PLCH2: variants seen among roughly 807,000 people sequenced by gnomAD.
The protein encoded by PLCH2 is 1-phosphatidylinositol 4,5-bisphosphate phosphodiesterase eta-2.
A neutral mutation model predicts 134.7 loss-of-function variants in PLCH2; 98 were observed. The observed-to-expected ratio is 0.73, with a 90% CI of 0.62 to 0.86. PLCH2 has a LOEUF of 0.86. Ranked by LOEUF, PLCH2 falls within the 40% of genes least tolerant of loss-of-function variation. The pLI is 0.00. For missense variants in PLCH2, 1,994 were observed against 1,986.6 expected (o/e 1.00, Z -0.07); for synonymous variants, 974 against 827.5 (o/e 1.18, Z -3.04).
At chr1:2,434,020 A>G (rs1360483620) in intron 2 of PLCH2, among the ~76,000 whole-genome samples, 1 of 152,292 alleles carries the variant, frequency 6.6e-6, no homozygotes, top group African/African-American at 2.4e-5. Context: ...AGCTGCTGCC[A>G]TCAACATCGC....
chr1:2,455,243 A>G (rs1198847314), intron 2 of PLCH2, among the ~76,000 whole-genome samples: 1 of 152,100 alleles, frequency 6.6e-6, no homozygotes, highest in Non-Finnish European at 1.5e-5. Flanking sequence ...GGCACCTGGA[A>G]CTGGACGTTG....
At chr1:2,496,800 G>A (rs768518017) in intron 14 of PLCH2, 28 bp from the exon 15 acceptor site, 3 of 1,610,524 alleles carry the variant, frequency 1.9e-6, no homozygotes. Context: ...AGGACTGGCA[G>A]TCTGATGCCC....
At chr1:2,487,762 G>T (rs1642365025) in intron 8 of PLCH2, 44 bp downstream of exon 8, 1 of 1,592,110 alleles carries the variant, frequency 6.3e-7, no homozygotes, top group South Asian at 1.1e-5. Context: ...AGGTGGGCAG[G>T]GTAGGGTCTC....
At chr1:2,503,722 G>A in intron 21 of PLCH2, 200 bp from the exon 22 acceptor site, 3 of 622,486 alleles carry the variant, frequency 4.8e-6, no homozygotes, top group Admixed American at 2.5e-5. Context: ...CGTGGACTGG[G>A]CCCCAGCAGC....
chr1:2,472,433 C>T (rs969361906), upstream of PLCH2, among the ~76,000 whole-genome samples: 16 of 152,162 alleles, frequency 1.1e-4, no homozygotes, highest in Non-Finnish European at 1.6e-4. Flanking sequence ...GATGCTGGGG[C>T]TGCGAGGGGC....
upstream of PLCH2, among the ~76,000 whole-genome samples, chr1:2,425,111 G>A (rs564144328): frequency 2.6e-5 from 4 of 151,300 alleles, no homozygotes; most frequent in Admixed American, 6.6e-5. Context: ...TGCAGTGAGC[G>A]GAGATCGCGC....
upstream of PLCH2, among the ~76,000 whole-genome samples, chr1:2,472,353 C>T (rs1214558918): frequency 6.6e-6 from 1 of 152,232 alleles, no homozygotes; most frequent in Non-Finnish European, 1.5e-5. Flanking sequence ...CTCCTCCCTC[C>T]CGTCCACCCA....
chr1:2,419,226 G>A, the PLCH2 span, among the ~76,000 whole-genome samples: 3 of 152,156 alleles, frequency 2.0e-5, no homozygotes, highest in Non-Finnish European at 2.9e-5. Context: ...CTGCACGGTC[G>A]AGCTTCAATC....
At position 2,499,146 on chromosome 1, in the gene PLCH2, G is replaced by A. The variant is rs745945626; in HGVS notation, c.2497G>A (p.Val833Ile). The A allele has an allele frequency of 5.6e-6, 9 of 1,613,110 alleles. No homozygotes were observed. In the Admixed American group the frequency reaches 8.3e-5, roughly 15 times the overall value. The change falls in exon 19 of 22, where the codon GTC (valine) becomes ATC (isoleucine). Residue 833 changes from valine to isoleucine, a missense_variant. By Grantham distance (29) the Val-to-Ile change is conservative (BLOSUM62 3). Transcript: ENST00000378486. ...GGTGCACATGCCGGAGATCGCGCTG[G>A]TCCGCTTCCTCGTCTGGGACCACGA... ...FMVHMPEIALVRFLVWDHDPI... is the reference protein window; with the variant it reads ...FMVHMPEIALIRFLVWDHDPI...
chr1:2,491,107 G>A, intron 10 of PLCH2, 85 bp from the exon 11 acceptor site: 8 of 1,328,772 alleles, frequency 6.0e-6, no homozygotes, highest in Non-Finnish European at 5.2e-6. Flanking sequence ...GGGGTGGGCA[G>A]AGTGCTGTGA....
At chr1:2,457,390 G>A (rs532609051) in intron 2 of PLCH2, among the ~76,000 whole-genome samples, 28 of 152,250 alleles carry the variant, frequency 1.8e-4, no homozygotes, top group Middle Eastern at 3.4e-3. Flanking sequence ...CAGTGGCCTC[G>A]TGGCCGTGAT....
chr1:2,436,135 C>T (rs1183536574), intron 2 of PLCH2, among the ~76,000 whole-genome samples: 2 of 131,164 alleles, frequency 1.5e-5, no homozygotes, highest in Non-Finnish European at 3.3e-5. Context: ...CCTCCCTGCT[C>T]CCTCATCCCT....
chr1:2,433,517 A>G (rs978436925), intron 2 of PLCH2, among the ~76,000 whole-genome samples: 16 of 151,474 alleles, frequency 1.1e-4, no homozygotes, highest in Admixed American at 9.2e-4. Context: ...GGAGCGGCTC[A>G]GTCTCGGTGC....
intron 2 of PLCH2, among the ~76,000 whole-genome samples, chr1:2,447,147 G>A (rs1037849609): frequency 2.6e-5 from 4 of 152,230 alleles, no homozygotes; most frequent in Non-Finnish European, 5.9e-5. Context: ...TGAGCTCCCA[G>A]TGCAGATCAG....
In PLCH2 at chr1:2,444,315, C is replaced by G. The variant is rs1425379031; in HGVS notation, c.115+13686C>G. Among the ~76,000 whole-genome samples, 1 of 152,250 alleles carries G rather than the reference C, an allele frequency of 6.6e-6. No individual in the cohort carries two copies. The highest frequency in any genetic ancestry group is 2.4e-5 in the African/African-American group (1 of 41,468). On this transcript the variant is annotated intron_variant, in intron 2 of 3. Coordinates refer to the PLCH2 transcript ENST00000609981. This position sits in a 1 kb window ranked among gnomAD's most constrained non-coding sequence, Gnocchi z 4.6. ...GAGCCCAGGCCGGGCACCCCGATCC[C>G]TGCCGGATGGTGCCGCAGGGCACCC...
At chr1:2,436,154 G>GCTCCCTCCTCCCTTCCTCCCTC (rs1639340584) in intron 2 of PLCH2, among the ~76,000 whole-genome samples, 1 of 59,806 alleles carries the variant, frequency 1.7e-5, no homozygotes, top group African/African-American at 6.7e-5. Flanking sequence ...CTTCCTCCCT[G>GCTCCCTCCTCCCTTCCTCCCTC]CTCCCTCCTC....
At chr1:2,445,102 C>T (rs1204589409) in intron 2 of PLCH2, among the ~76,000 whole-genome samples, 5 of 152,094 alleles carry the variant, frequency 3.3e-5, no homozygotes, top group African/African-American at 1.2e-4. Context: ...AATTGGCCCC[C>T]ACTATGTTCC....
At position 2,470,893 on chromosome 1, in the gene PLCH2, A is replaced by G. The variant is rs534657189; in HGVS notation, c.43+3231A>G. 2.8e-3 allele frequency among the ~76,000 whole-genome samples: 430 copies of G among 152,216 alleles called. 3 individuals are homozygous for G. The highest frequency in any genetic ancestry group is 8.9e-3 in the African/African-American group (371 of 41,530). On this transcript the variant is annotated intron_variant, in intron 1 of 21. Coordinates refer to the PLCH2 transcript ENST00000449969. ...GTGTCCTGGACGGTGGCTGGGGGCAAGGCCGTGCACCTGCCTTCAGAGAGC... is the reference window on the plus strand; with the variant it reads ...GTGTCCTGGACGGTGGCTGGGGGCAGGGCCGTGCACCTGCCTTCAGAGAGC...
At chr1:2,431,688 G>C (rs1372561310) in intron 2 of PLCH2, among the ~76,000 whole-genome samples, 2 of 152,168 alleles carry the variant, frequency 1.3e-5, no homozygotes. Context: ...ACGGTTCCCA[G>C]GATAGAGGAC....
Sources: allele counts gnomAD v4.1 joint callset (sites outside exome capture counted in the v4.1 genomes callset), GRCh38; gene constraint gnomAD v4.1.1; non-coding constraint Gnocchi (gnomAD v3.1); transcripts MANE v1.5; gene names NCBI Gene and HGNC (gene_info 2026-07-23, HGNC 2026-07-21).